Variants in KCNAB1 observed in about 807,000 individuals in gnomAD.
KCNAB1 encodes voltage-gated potassium channel subunit beta-1.
A neutral mutation model predicts 64.6 loss-of-function variants in KCNAB1; 35 were observed. The ratio of observed to expected loss-of-function variants is 0.54; its 90% CI spans 0.41 to 0.72. The LOEUF (loss-of-function observed/expected upper bound fraction) is 0.72, where lower values mean the gene tolerates loss of function less well. Among genes scored for constraint, KCNAB1 ranks in the 30% least tolerant of loss-of-function variants. The probability of loss-of-function intolerance (pLI) is 0.00; values close to 1 mark genes in which losing one functional copy is unlikely to be tolerated. For missense variants in KCNAB1, 401 were observed against 512.9 expected (o/e 0.78, Z 2.11); for synonymous variants, 177 against 183.8 (o/e 0.96, Z 0.30).
chr3:156,292,195 A>C (rs17235499), intron 1 of KCNAB1: 12 of 1,555,426 alleles, frequency 7.7e-6, no homozygotes, highest in African/African-American at 1.4e-5. Context: ...GAGACAGTCC[A>C]TCGGTTTTGA....
rs890453486 is a variant in KCNAB1, at chr3:156,537,147, T to C, written c.*400T>C. The C allele has an allele frequency of 3.5e-5, 14 of 398,400 alleles. No homozygotes were observed. The highest frequency in any genetic ancestry group is 4.1e-5 in the African/African-American group (2 of 48,500). The allele number at this position is 398,400 out of a possible 1,614,324, so 24.7% of individuals were successfully genotyped here. A position where few individuals can be genotyped will look rare whatever the true frequency, so the allele number is the denominator to read the frequency against. The stretch of plus-strand genomic sequence containing the variant: ...TGAGTTGCGTAAGAAACAGAGTAGA[T>C]AGACTAAATTCAGTGAAGGAAAGGA... On this transcript the variant is annotated 3_prime_UTR_variant, in exon 14 of 14. Transcript: ENST00000490337.
chr3:156,260,912 TA>T (rs1017490145), intron 1 of KCNAB1, among the ~76,000 whole-genome samples: 22 of 151,776 alleles, frequency 1.4e-4, no homozygotes, highest in African/African-American at 4.6e-4. Flanking sequence ...TTCCTCGTAC[TA>T]AAAAAAAATT....
chr3:156,318,682 G>A (rs1415983665), intron 1 of KCNAB1, among the ~76,000 whole-genome samples: 1 of 152,196 alleles, frequency 6.6e-6, no homozygotes, highest in Non-Finnish European at 1.5e-5. Context: ...AAGCAAGCTG[G>A]ATTTTTATGT....
At chr3:156,526,510 A>G (rs1421679301) in intron 12 of KCNAB1, among the ~76,000 whole-genome samples, 2 of 152,368 alleles carry the variant, frequency 1.3e-5, no homozygotes, top group South Asian at 2.1e-4. Flanking sequence ...AATCCAGCAT[A>G]TATTTTACAC....
At chr3:156,169,353 A>G (rs1218963388) in intron 1 of KCNAB1, among the ~76,000 whole-genome samples, 1 of 152,166 alleles carries the variant, frequency 6.6e-6, no homozygotes, top group African/African-American at 2.4e-5. Context: ...ACCATATGCA[A>G]TGTTATGTGG....
chr3:156,500,477 T>C (rs1716324833), intron 8 of KCNAB1, among the ~76,000 whole-genome samples: 1 of 152,188 alleles, frequency 6.6e-6, no homozygotes, highest in South Asian at 2.1e-4. Context: ...GACATCTTTA[T>C]TTCTCAGTAA....
At chr3:156,335,395 C>T (rs1723622591) in intron 1 of KCNAB1, among the ~76,000 whole-genome samples, 1 of 152,190 alleles carries the variant, frequency 6.6e-6, no homozygotes, top group African/African-American at 2.4e-5. Flanking sequence ...TATACATACA[C>T]CAATCACGAC....
chr3:156,467,775 G>T (rs1227624825), intron 7 of KCNAB1, among the ~76,000 whole-genome samples: 1 of 152,096 alleles, frequency 6.6e-6, no homozygotes, highest in Non-Finnish European at 1.5e-5. Flanking sequence ...GGTAAATGGG[G>T]TAGATTCCAG....
At chr3:156,287,605 G>A (rs1720170510) in intron 1 of KCNAB1, among the ~76,000 whole-genome samples, 1 of 152,060 alleles carries the variant, frequency 6.6e-6, no homozygotes, top group African/African-American at 2.4e-5. Context: ...GCCGAGGTGG[G>A]CAGATCAGGT....
chr3:156,519,056 C>G (rs1182285688), intron 11 of KCNAB1, among the ~76,000 whole-genome samples: 1 of 152,218 alleles, frequency 6.6e-6, no homozygotes, highest in East Asian at 1.9e-4. Context: ...CCTCCAGACT[C>G]TATCTTGACT....
intron 1 of KCNAB1, among the ~76,000 whole-genome samples, chr3:156,298,864 AG>A (rs1403130460): frequency 7.2e-5 from 11 of 152,194 alleles, no homozygotes; most frequent in Non-Finnish European, 1.3e-4. Context: ...TTTTGTAACC[AG>A]TTTTTCACTT....
At chr3:156,453,598 A>G (rs767648921) in intron 3 of KCNAB1, among the ~76,000 whole-genome samples, 2 of 152,212 alleles carry the variant, frequency 1.3e-5, no homozygotes, top group Non-Finnish European at 2.9e-5. Flanking sequence ...TCATTTGCAC[A>G]GTCAAAACAG....
intron 1 of KCNAB1, among the ~76,000 whole-genome samples, chr3:156,147,610 A>G (rs973171964): frequency 6.6e-6 from 1 of 152,178 alleles, no homozygotes; most frequent in Non-Finnish European, 1.5e-5. Context: ...TTCTAGAAAA[A>G]TAAGTGTTAT....
intron 2 of KCNAB1, among the ~76,000 whole-genome samples, chr3:156,451,286 T>C (rs903271073): frequency 1.8e-4 from 28 of 152,244 alleles, no homozygotes; most frequent in Non-Finnish European, 4.0e-4. Context: ...ACGTAGAGTA[T>C]AAAAGTAAAA....
At chr3:156,299,490 C>T (rs1721015169) in intron 1 of KCNAB1, among the ~76,000 whole-genome samples, 1 of 151,818 alleles carries the variant, frequency 6.6e-6, no homozygotes, top group African/African-American at 2.4e-5. Flanking sequence ...AGGAAGAGAT[C>T]TACAAAACCA....
chr3:156,389,045 A>G (rs1339031721), intron 1 of KCNAB1, among the ~76,000 whole-genome samples: 1 of 152,200 alleles, frequency 6.6e-6, no homozygotes, highest in Non-Finnish European at 1.5e-5. Flanking sequence ...TTCCACAGCC[A>G]CATGTCTAGT....
intron 1 of KCNAB1, among the ~76,000 whole-genome samples, chr3:156,377,956 G>GTA (rs1242223506): frequency 6.6e-6 from 1 of 152,150 alleles, no homozygotes; most frequent in African/African-American, 2.4e-5. Flanking sequence ...CACTGTCAGT[G>GTA]TAAGTCTCCG....
intron 1 of KCNAB1, among the ~76,000 whole-genome samples, chr3:156,252,206 T>C (rs1472985942): frequency 6.6e-6 from 1 of 152,252 alleles, no homozygotes; most frequent in African/African-American, 2.4e-5. Context: ...AGGAAACATG[T>C]GCTCAGGCAC....
rs561428642 is a variant in KCNAB1 at position 156,524,469 on chromosome 3, T to A, written c.1081+522T>A. Among the ~76,000 whole-genome samples, 4 of 152,218 alleles carry A rather than the reference T, an allele frequency of 2.6e-5. No individual in the cohort carries two copies. The South Asian group carries it at 8.3e-4, about 32-fold the overall frequency. On this transcript the variant is annotated intron_variant, in intron 12 of 13. Coordinates refer to ENST00000490337, the MANE Select transcript of KCNAB1 (RefSeq NM_172160.3). ...GTAACAATTGAAAACCACACGCGGCTGGGCACGGTGGCTCATGCCTGTAAT... is the reference window on the plus strand; with the variant it reads ...GTAACAATTGAAAACCACACGCGGCAGGGCACGGTGGCTCATGCCTGTAAT...
Sources: allele counts gnomAD v4.1 joint callset (sites outside exome capture counted in the v4.1 genomes callset), GRCh38; gene constraint gnomAD v4.1.1; transcripts MANE v1.5; gene names NCBI Gene and HGNC (gene_info 2026-07-23, HGNC 2026-07-21).